The following WDR59 variants were observed in gnomAD, a reference collection of about 807,000 sequenced individuals.
WDR59 encodes the protein WD repeat domain 59.
A neutral mutation model predicts 131.2 loss-of-function variants in WDR59; 100 were observed. The ratio of observed to expected loss-of-function variants is 0.76; its 90% CI spans 0.65 to 0.90. WDR59 has a LOEUF of 0.90. Among genes scored for constraint, WDR59 ranks in the 40% least tolerant of loss-of-function variants. The pLI is 0.00. For missense variants in WDR59, 1,203 were observed against 1,262.2 expected, an observed-to-expected ratio of 0.95 and a Z score of 0.71; for synonymous variants, 601 against 466.2, an observed-to-expected ratio of 1.29 and a Z score of -3.72.
intron 8 of WDR59, among the ~76,000 whole-genome samples, chr16:74,930,231 C>CAGAAAAAA (rs2031257961): frequency 6.6e-6 from 1 of 152,078 alleles, no homozygotes; most frequent in Non-Finnish European, 1.5e-5. Flanking sequence ...ATGATAAATG[C>CAGAAAAAA]TTGAGGTGAT....
chr16:74,915,085 TTAC>T (rs1299327715), intron 13 of WDR59, among the ~76,000 whole-genome samples: 1 of 152,232 alleles, frequency 6.6e-6, no homozygotes, highest in Non-Finnish European at 1.5e-5. Context: ...GGTTGCCTTC[TTAC>T]TGTGAATCTA....
chr16:74,923,268 T>G (rs2030433922), intron 9 of WDR59, among the ~76,000 whole-genome samples: 1 of 152,180 alleles, frequency 6.6e-6, no homozygotes, highest in Admixed American at 6.5e-5. Context: ...TGATAGAGCA[T>G]GGCCCCCAGC....
At chr16:74,888,552 G>C (rs1964886479) in intron 21 of WDR59, among the ~76,000 whole-genome samples, 1 of 152,192 alleles carries the variant, frequency 6.6e-6, no homozygotes, top group African/African-American at 2.4e-5. Flanking sequence ...ATGATCTACA[G>C]AACGCATCTC....
At chr16:74,943,100 A>T (rs1182682968) in intron 6 of WDR59, among the ~76,000 whole-genome samples, 2 of 152,242 alleles carry the variant, frequency 1.3e-5, no homozygotes, top group African/African-American at 4.8e-5. Flanking sequence ...GCAGGAAAAC[A>T]TAGTTTCTTA....
At chr16:74,967,247 G>A (rs1355016468) in intron 1 of WDR59, among the ~76,000 whole-genome samples, 1 of 152,188 alleles carries the variant, frequency 6.6e-6, no homozygotes, top group Non-Finnish European at 1.5e-5. Context: ...GCATCCTTCA[G>A]TGCACCAGAG....
intron 1 of WDR59, among the ~76,000 whole-genome samples, chr16:74,975,481 G>T (rs1460700897): frequency 2.6e-5 from 4 of 151,528 alleles, no homozygotes; most frequent in African/African-American, 9.7e-5. Flanking sequence ...TGGCCAACAT[G>T]GTAAAACCCC....
intron 17 of WDR59, 46 bp from the exon 18 acceptor site, chr16:74,904,146 A>T: frequency 1.9e-6 from 3 of 1,585,340 alleles, no homozygotes; most frequent in Non-Finnish European, 2.6e-6. Context: ...CAGTCCTGTC[A>T]TATTTCCAAG....
At chr16:74,891,541 T>C (rs1965044225) in intron 20 of WDR59, among the ~76,000 whole-genome samples, 1 of 152,246 alleles carries the variant, frequency 6.6e-6, no homozygotes, top group Admixed American at 6.5e-5. Context: ...AATACACATT[T>C]CCTGAATGCC....
At chr16:74,983,862 T>C (rs1229172512) in intron 1 of WDR59, among the ~76,000 whole-genome samples, 1 of 144,804 alleles carries the variant, frequency 6.9e-6, no homozygotes, top group Non-Finnish European at 1.6e-5. Context: ...GCCTGTAGTC[T>C]CAGCTACTGG....
Position 74,921,993 on chromosome 16 carries a change from C to T in WDR59, c.840G>A (p.Gly280=). 8.1e-6 allele frequency: 13 copies of T among 1,614,178 alleles called. No individual in the cohort carries two copies. The highest frequency in any genetic ancestry group is 1.0e-5 in the Non-Finnish European group (12 of 1,180,024). ...DLNTPVHTFV[G]HDDVVLEFQW... is the part of the protein sequence containing the mutation. Reference sequence around the variant, plus strand: ...GGAACTCCAGGACCACATCATCATGCCCCACGAAGGTGTGGACTGGGGTGT... The same window carrying T: ...GGAACTCCAGGACCACATCATCATGTCCCACGAAGGTGTGGACTGGGGTGT... The change falls in exon 10 of 26, where the codon GGG becomes GGA. Residue 280 remains glycine, a synonymous_variant. Transcript: ENST00000262144.
At chr16:74,890,311 T>A (rs1360417688) in intron 20 of WDR59, among the ~76,000 whole-genome samples, 1 of 152,054 alleles carries the variant, frequency 6.6e-6, no homozygotes, top group African/African-American at 2.4e-5. Context: ...CCACCACACC[T>A]GGCTAATTTT....
chr16:74,977,394 A>G (rs1001135581), intron 1 of WDR59, among the ~76,000 whole-genome samples: 2 of 152,188 alleles, frequency 1.3e-5, no homozygotes, highest in Non-Finnish European at 2.9e-5. Context: ...AATCTATAAG[A>G]AAGAGACAAT....
chr16:74,939,528 T>C (rs554654448), intron 7 of WDR59, among the ~76,000 whole-genome samples: 1 of 151,938 alleles, frequency 6.6e-6, no homozygotes, highest in South Asian at 2.1e-4. Flanking sequence ...ACGTACACAG[T>C]ACGACAAACT....
intron 2 of WDR59, among the ~76,000 whole-genome samples, chr16:74,957,024 G>T (rs2033324416): frequency 1.3e-5 from 2 of 151,304 alleles, no homozygotes; most frequent in Admixed American, 1.3e-4. Context: ...TAAGGCTCTT[G>T]TCCTGAATCA....
Position 74,935,941 on chromosome 16 carries a change from G to A in WDR59, c.651+2209C>T, listed in dbSNP as rs149703896. Among the ~76,000 whole-genome samples the A allele has an allele frequency of 3.7e-3, 558 of 151,048 alleles. 6 individuals are homozygous for A. In the East Asian group the frequency reaches 0.039, roughly 11 times the overall value. On this transcript the variant is annotated intron_variant, in intron 8 of 25. Coordinates refer to ENST00000262144, the MANE Select transcript of WDR59 (RefSeq NM_030581.4). ...GAACCTGGGAGACGGAGGTTGCAGT[G>A]AGCCGAGATCGCGCCACTGCACTCC...
intron 18 of WDR59, among the ~76,000 whole-genome samples, chr16:74,900,010 C>T (rs942828502): frequency 6.6e-6 from 1 of 152,096 alleles, no homozygotes; most frequent in African/African-American, 2.4e-5. Context: ...AGTCACATTT[C>T]AAGGTATATG....
chr16:74,963,431 A>T (rs9935813), intron 2 of WDR59, among the ~76,000 whole-genome samples: 6,966 of 151,814 alleles, frequency 0.046, 237 homozygotes, highest in East Asian at 0.17. Flanking sequence ...GAGATCATGT[A>T]CTTTGCAGGG....
chr16:74,974,517 C>A (rs979960829), intron 1 of WDR59, among the ~76,000 whole-genome samples: 2 of 151,840 alleles, frequency 1.3e-5, no homozygotes, highest in Admixed American at 6.7e-5. Context: ...GTTGGCACAG[C>A]GGGCATGAGG....
Position 74,982,856 on chromosome 16 carries a change from G to A in WDR59, c.54+2108C>T, listed in dbSNP as rs146928586. ...TAGCTCCTCCACTCACTCATTCTCC[G>A]GCAAAAGACAGGATGGGGTTTTGGA... On this transcript the variant is annotated intron_variant, in intron 1 of 25. Transcript: ENST00000262144. Among the ~76,000 whole-genome samples, 544 of 152,160 alleles carry A rather than the reference G, an allele frequency of 3.6e-3. 3 individuals are homozygous for A. The highest frequency in any genetic ancestry group is 0.012 in the African/African-American group (508 of 41,498).
Sources: gnomAD v4.1 joint callset for allele counts (sites outside exome capture counted in the v4.1 genomes callset) on GRCh38, gnomAD v4.1.1 for gene constraint, MANE v1.5 for transcripts, NCBI Gene and HGNC (gene_info 2026-07-23, HGNC 2026-07-21) for gene names.